LRMDA: variants seen among roughly 807,000 people sequenced by gnomAD.
The protein encoded by LRMDA is leucine-rich melanocyte differentiation-associated protein.
In LRMDA, 18 loss-of-function variants were observed where a neutral mutation model predicts 29.8. The ratio of observed to expected loss-of-function variants is 0.60; its 90% confidence interval spans 0.42 to 0.90. LRMDA has a LOEUF of 0.90. Among genes scored for constraint, LRMDA ranks in the 40% least tolerant of loss-of-function variants. LRMDA has a pLI of 0.00. For missense variants in LRMDA, 273 were observed against 273.9 expected (o/e 1.00, Z 0.02); for synonymous variants, 125 against 109.4 (o/e 1.14, Z -0.89).
At chr10:75,741,126 A>C (rs985133559) in intron 2 of LRMDA, among the ~76,000 whole-genome samples, 2 of 152,328 alleles carry the variant, frequency 1.3e-5, no homozygotes, top group East Asian at 1.9e-4. Context: ...CCTGGTAAAG[A>C]GTATCAGATA....
At chr10:76,185,584 A>G (rs945123997) in intron 5 of LRMDA, among the ~76,000 whole-genome samples, 1 of 152,200 alleles carries the variant, frequency 6.6e-6, no homozygotes, top group Non-Finnish European at 1.5e-5. Flanking sequence ...CCTATCTTCT[A>G]TCAGCCATAG....
At chr10:75,557,315 A>G (rs1417444053) in intron 2 of LRMDA, among the ~76,000 whole-genome samples, 2 of 86,376 alleles carry the variant, frequency 2.3e-5, no homozygotes, top group Non-Finnish European at 6.3e-5. Flanking sequence ...CTCTGTCTCA[A>G]TTAAAAAAAA....
chr10:76,328,802 GA>G (rs946642549), intron 6 of LRMDA, among the ~76,000 whole-genome samples: 3 of 152,184 alleles, frequency 2.0e-5, no homozygotes, highest in African/African-American at 7.2e-5. Flanking sequence ...CAGGAGTGGA[GA>G]AAATTTGAAA....
intron 6 of LRMDA, among the ~76,000 whole-genome samples, chr10:76,415,864 C>T (rs1842009361): frequency 6.6e-6 from 1 of 152,178 alleles, no homozygotes; most frequent in Non-Finnish European, 1.5e-5. Flanking sequence ...ATGTCTTGTT[C>T]TCCTCGCTGC....
intron 3 of LRMDA, among the ~76,000 whole-genome samples, chr10:76,038,597 A>T (rs1409773709): frequency 1.3e-5 from 2 of 152,236 alleles, no homozygotes; most frequent in Non-Finnish European, 2.9e-5. Context: ...CTCAGAAGTC[A>T]CAGAGAAAGG....
intron 5 of LRMDA, among the ~76,000 whole-genome samples, chr10:76,222,673 C>A (rs569512507): frequency 6.6e-6 from 1 of 152,178 alleles, no homozygotes; most frequent in Admixed American, 6.5e-5. Context: ...GTTGGTGGGA[C>A]TGTAAACTAG....
intron 2 of LRMDA, among the ~76,000 whole-genome samples, chr10:75,835,459 T>C (rs1012036765): frequency 1.3e-5 from 2 of 152,236 alleles, no homozygotes; most frequent in Non-Finnish European, 2.9e-5. Context: ...TCAATCACAT[T>C]TGCAAAGTCC....
Position 75,558,200 on chromosome 10 carries a change from G to A in LRMDA, c.131+119706G>A, listed in dbSNP as rs529457919. On this transcript the variant is annotated intron_variant, in intron 2 of 6. Transcript: ENST00000611255. ...GGTCCTTGTCTTCCTTGCCTGATTT[G>A]CCTGATCTCTGCTAAAAAACTTTTA... Among the ~76,000 whole-genome samples the A allele has an allele frequency of 6.2e-4, 74 of 119,742 alleles. 2 individuals are homozygous for A. The highest frequency in any genetic ancestry group is 4.2e-3 in the Admixed American group (46 of 10,912). 78.6% of individuals were successfully genotyped at this position (119,742 alleles called of 152,430 possible).
chr10:75,442,401 A>G (rs1003473066), intron 2 of LRMDA, among the ~76,000 whole-genome samples: 6 of 152,258 alleles, frequency 3.9e-5, no homozygotes, highest in Non-Finnish European at 7.3e-5. Context: ...ATTTTTGTAT[A>G]TGATCTGAGA....
At chr10:76,277,612 T>C (rs531655711) in intron 5 of LRMDA, among the ~76,000 whole-genome samples, 1 of 152,186 alleles carries the variant, frequency 6.6e-6, no homozygotes, top group African/African-American at 2.4e-5. Context: ...TTGTTGTTAG[T>C]CTGAATTTTT....
Position 75,431,830 on chromosome 10 carries a change from C to T in LRMDA, c.30+76C>T, listed in dbSNP as rs371437327. 1,530 of 1,253,026 alleles carry T rather than the reference C, an allele frequency of 1.2e-3. 20 individuals carry two copies. In the East Asian group the frequency reaches 0.02, roughly 17 times the overall value. 77.6% of individuals were successfully genotyped at this position (1,253,026 alleles called of 1,614,324 possible). Reference sequence around the variant, plus strand: ...GGGACAGCGGGGCACAGAGGCTCCCCAGGGCCTAGACACCCCTGTCCCCGC... The same window carrying T: ...GGGACAGCGGGGCACAGAGGCTCCCTAGGGCCTAGACACCCCTGTCCCCGC... On this transcript the variant is annotated intron_variant, in intron 1 of 6. Transcript: ENST00000611255.
chr10:75,611,372 T>A (rs1207585152), intron 2 of LRMDA, among the ~76,000 whole-genome samples: 1 of 152,160 alleles, frequency 6.6e-6, no homozygotes, highest in Non-Finnish European at 1.5e-5. Context: ...GTAATAAAAT[T>A]TACCATTCAA....
At chr10:75,599,527 G>A (rs1040389453) in intron 2 of LRMDA, among the ~76,000 whole-genome samples, 2 of 152,168 alleles carry the variant, frequency 1.3e-5, no homozygotes, top group African/African-American at 4.8e-5. Context: ...TGGTCTTATG[G>A]TGAGTATGGA....
chr10:75,563,859 G>A (rs1840333085), intron 2 of LRMDA, among the ~76,000 whole-genome samples: 2 of 151,518 alleles, frequency 1.3e-5, no homozygotes, highest in African/African-American at 4.9e-5. Flanking sequence ...TTCGTGAACT[G>A]CGAATGCTGC....
At chr10:75,539,233 G>A (rs1839987222) in intron 2 of LRMDA, among the ~76,000 whole-genome samples, 1 of 152,144 alleles carries the variant, frequency 6.6e-6, no homozygotes, top group South Asian at 2.1e-4. Context: ...ACTGGAGATG[G>A]AGACCCTCCA....
intron 5 of LRMDA, among the ~76,000 whole-genome samples, chr10:76,123,233 GC>G (rs1241463845): frequency 6.6e-6 from 1 of 151,900 alleles, no homozygotes; most frequent in Non-Finnish European, 1.5e-5. Context: ...ACAAGGCAAG[GC>G]ACAGTGGCTC....
chr10:76,058,268 G>A (rs563284843), intron 4 of LRMDA, among the ~76,000 whole-genome samples: 12 of 152,314 alleles, frequency 7.9e-5, no homozygotes, highest in Non-Finnish European at 1.8e-4. Flanking sequence ...CCATAGGAAT[G>A]GCAGTGACGT....
At chr10:76,202,451 G>T (rs566060487) in intron 5 of LRMDA, among the ~76,000 whole-genome samples, 3 of 152,202 alleles carry the variant, frequency 2.0e-5, no homozygotes, top group South Asian at 4.2e-4. Flanking sequence ...TTAATGGTGT[G>T]CATGTAACTT....
rs1328971150 is a variant in LRMDA at position 76,376,863 on chromosome 10, G to GTTTTTT, written c.601+52379_601+52380insTTTTTT. ...TCAAATGTTTGTTGGGCACTTGGAA[G>GTTTTTT]TCTTTTTTTTTTTTTTTTTTTTTTT... On this transcript the variant is annotated intron_variant, in intron 6 of 6. Transcript: ENST00000611255. 9.8e-5 allele frequency among the ~76,000 whole-genome samples: 2 copies of GTTTTTT among 20,502 alleles called. 1 individual carries two copies. The highest frequency in any genetic ancestry group is 1.9e-4 in the Non-Finnish European group (2 of 10,466). 13.5% of individuals were successfully genotyped at this position (20,502 alleles called of 152,430 possible).
Sources: gnomAD v4.1 joint callset for allele counts (sites outside exome capture counted in the v4.1 genomes callset) on GRCh38, gnomAD v4.1.1 for gene constraint, MANE v1.5 for transcripts, NCBI Gene and HGNC (gene_info 2026-07-23, HGNC 2026-07-21) for gene names.